Variants in SPAG16 observed in about 807,000 individuals in gnomAD.
The protein encoded by SPAG16 is sperm associated antigen 16.
SPAG16 carries 86 observed loss-of-function variants against 80.4 expected under a neutral mutation model. That is an observed-to-expected ratio of 1.07 (90% CI 0.90 to 1.28). SPAG16 has a LOEUF of 1.28. Among genes scored for constraint, SPAG16 ranks in the 50% most tolerant of loss-of-function variants. The pLI, the probability that SPAG16 is intolerant of heterozygous loss-of-function variation, is 0.00. For synonymous variants in SPAG16, 294 were observed against 265.9 expected (o/e 1.11, Z -1.03); for missense variants, 870 against 765.3 (o/e 1.14, Z -1.61).
intron 10 of SPAG16, among the ~76,000 whole-genome samples, chr2:213,739,693 C>T (rs541265779): frequency 2.6e-5 from 4 of 151,982 alleles, no homozygotes; most frequent in South Asian, 4.2e-4. Context: ...CCTCTCCCTC[C>T]CAGGTTCAAG....
intron 9 of SPAG16, among the ~76,000 whole-genome samples, chr2:213,401,419 A>T (rs1041490900): frequency 1.3e-5 from 2 of 152,212 alleles, no homozygotes; most frequent in African/African-American, 4.8e-5. Flanking sequence ...ATTCTTATAC[A>T]TTAAATTCTG....
At chr2:213,705,895 A>G (rs547476308) in intron 10 of SPAG16, among the ~76,000 whole-genome samples, 1 of 152,256 alleles carries the variant, frequency 6.6e-6, no homozygotes, top group Non-Finnish European at 1.5e-5. Context: ...CAAATCCCAT[A>G]TGGGATTTAT....
chr2:214,224,561 A>G (rs1433097781), intron 15 of SPAG16, among the ~76,000 whole-genome samples: 1 of 152,210 alleles, frequency 6.6e-6, no homozygotes, highest in Admixed American at 6.6e-5. Flanking sequence ...GAATTAAATC[A>G]GAGGAAGGAG....
At chr2:213,600,266 A>G (rs2061017570) in intron 10 of SPAG16, among the ~76,000 whole-genome samples, 1 of 152,210 alleles carries the variant, frequency 6.6e-6, no homozygotes, top group Non-Finnish European at 1.5e-5. Context: ...CACATACGTT[A>G]TGCATCTCAG....
chr2:214,144,098 C>A (rs2125547972), intron 14 of SPAG16, among the ~76,000 whole-genome samples: 1 of 152,146 alleles, frequency 6.6e-6, no homozygotes, highest in East Asian at 1.9e-4. Flanking sequence ...TTTGAGATTA[C>A]AATATTGAAC....
intron 15 of SPAG16, among the ~76,000 whole-genome samples, chr2:214,231,164 G>A (rs75138517): frequency 0.013 from 1,955 of 152,076 alleles, 37 homozygotes; most frequent in African/African-American, 0.043. Context: ...AAACAACTAA[G>A]TGAGTCTAGG....
At chr2:214,007,993 T>C (rs940392378) in intron 12 of SPAG16, among the ~76,000 whole-genome samples, 1 of 152,164 alleles carries the variant, frequency 6.6e-6, no homozygotes, top group African/African-American at 2.4e-5. Flanking sequence ...CCCTCTCTGA[T>C]AACACAATTA....
At chr2:213,422,758 C>T (rs1234920891) in intron 9 of SPAG16, among the ~76,000 whole-genome samples, 1 of 152,216 alleles carries the variant, frequency 6.6e-6, no homozygotes, top group Non-Finnish European at 1.5e-5. Context: ...CCTTTGCTGA[C>T]ATGGAATTAA....
intron 5 of SPAG16, among the ~76,000 whole-genome samples, chr2:213,332,428 G>C (rs1347435336): frequency 6.6e-6 from 1 of 152,106 alleles, no homozygotes; most frequent in Non-Finnish European, 1.5e-5. Context: ...AACAGGACCT[G>C]ATGGCTTCAC....
At chr2:213,293,002 T>G (rs934421774) in intron 1 of SPAG16, among the ~76,000 whole-genome samples, 2 of 152,196 alleles carry the variant, frequency 1.3e-5, no homozygotes, top group Non-Finnish European at 2.9e-5. Flanking sequence ...GTCCCCACCC[T>G]AATCTCACCT....
chr2:214,265,030 T>C (rs1249814446), intron 15 of SPAG16, among the ~76,000 whole-genome samples: 3 of 152,194 alleles, frequency 2.0e-5, no homozygotes, highest in Non-Finnish European at 2.9e-5. Context: ...ATTTCACCTA[T>C]TGAAGGACAT....
chr2:213,887,050 A>G (rs2076583904), intron 11 of SPAG16, among the ~76,000 whole-genome samples: 1 of 152,094 alleles, frequency 6.6e-6, no homozygotes, highest in Non-Finnish European at 1.5e-5. Context: ...TTTTGTTAAT[A>G]TTTTAGACCT....
chr2:214,300,496 T>C (rs1694469002), intron 15 of SPAG16, among the ~76,000 whole-genome samples: 1 of 152,092 alleles, frequency 6.6e-6, no homozygotes, highest in Non-Finnish European at 1.5e-5. Flanking sequence ...TATATTTGAG[T>C]CTTTTTTACA....
intron 15 of SPAG16, among the ~76,000 whole-genome samples, chr2:214,322,956 T>C (rs895459666): frequency 1.3e-5 from 2 of 152,216 alleles, no homozygotes; most frequent in Non-Finnish European, 2.9e-5. Flanking sequence ...TACTCACTGA[T>C]GTGAGAATTC....
At chr2:214,080,732 C>T (rs890357880) in intron 13 of SPAG16, among the ~76,000 whole-genome samples, 5 of 151,908 alleles carry the variant, frequency 3.3e-5, no homozygotes, top group Non-Finnish European at 7.4e-5. Context: ...ATTTATTAGC[C>T]GAAATCTTCA....
intron 15 of SPAG16, among the ~76,000 whole-genome samples, chr2:214,391,341 CT>C (rs781050008): frequency 5.4e-4 from 82 of 152,176 alleles, no homozygotes; most frequent in South Asian, 8.3e-4. Flanking sequence ...TTTGCTTCAT[CT>C]TTTTCATTCA....
At chr2:213,615,038 T>C (rs965119768) in intron 10 of SPAG16, among the ~76,000 whole-genome samples, 7 of 152,218 alleles carry the variant, frequency 4.6e-5, no homozygotes, top group South Asian at 4.1e-4. Context: ...AACCACTTTA[T>C]TGATAACTAA....
chr2:213,592,203 C>G (rs965362985), intron 10 of SPAG16, among the ~76,000 whole-genome samples: 1 of 152,170 alleles, frequency 6.6e-6, no homozygotes. Flanking sequence ...CAGCTTTACT[C>G]TGAATATTAA....
chr2:213,881,897 A>T (rs984298013), intron 11 of SPAG16, among the ~76,000 whole-genome samples: 1 of 152,150 alleles, frequency 6.6e-6, no homozygotes, highest in African/African-American at 2.4e-5. Context: ...GCATAGGCAT[A>T]CTTGTCATAT....
Sources: allele counts gnomAD v4.1 joint callset (sites outside exome capture counted in the v4.1 genomes callset), GRCh38; gene constraint gnomAD v4.1.1; transcripts MANE v1.5; gene names NCBI Gene and HGNC (gene_info 2026-07-23, HGNC 2026-07-21).